The following THADA variants were observed in gnomAD, a reference collection of about 807,000 sequenced individuals.
THADA encodes tRNA (32-2'-O)-methyltransferase regulator THADA.
THADA carries 213 observed loss-of-function variants against 219.8 expected under a neutral mutation model. That is an observed-to-expected ratio of 0.97 (90% confidence interval 0.87 to 1.09). The LOEUF (loss-of-function observed/expected upper bound fraction) is 1.09, where lower values mean the gene tolerates loss of function less well. Among genes scored for constraint, THADA ranks in the 50% least tolerant of loss-of-function variants. The pLI is 0.00. For missense variants in THADA, 2,956 were observed against 2,311.3 expected (o/e 1.28, Z -5.72); for synonymous variants, 1,018 against 828.9 (o/e 1.23, Z -3.92).
intron 28 of THADA, among the ~76,000 whole-genome samples, chr2:43,409,468 A>G (rs1231740498): frequency 6.6e-6 from 1 of 152,042 alleles, no homozygotes; most frequent in African/African-American, 2.4e-5. Flanking sequence ...AGGTAAGTTG[A>G]GTCATATTTC....
In THADA at chr2:43,418,430, C is replaced by G. The variant is rs150616674; in HGVS notation, c.4058+9670G>C. Among the ~76,000 whole-genome samples the G allele has an allele frequency of 5.8e-3, 875 of 152,052 alleles. 14 individuals are homozygous for G. Among genetic ancestry groups the G allele is most frequent in the African/African-American group, 0.02 (826 of 41,466 alleles). Reference sequence around the variant, plus strand: ...GACAGCGGGAGGAACCTCTGTGCCACCCTGAGTCCTGATTCTGATATGTTT... The same window carrying G: ...GACAGCGGGAGGAACCTCTGTGCCAGCCTGAGTCCTGATTCTGATATGTTT... On this transcript the variant is annotated intron_variant, in intron 28 of 37. Transcript: ENST00000405975.
At chr2:43,564,571 TAAG>T in intron 15 of THADA, 1 of 152,386 alleles carries the variant, frequency 6.6e-6, no homozygotes, top group East Asian at 1.9e-4. Flanking sequence ...ATCCTAAACT[TAAG>T]AATATCTGCA....
rs369364138 is a variant in THADA at position 43,571,762 on chromosome 2, T to C, written c.2009A>G (p.Asn670Ser). The C allele has an allele frequency of 2.7e-5, 44 of 1,613,826 alleles. No homozygotes were observed. Among genetic ancestry groups the C allele is most frequent in the African/African-American group, 4.0e-5 (3 of 74,924 alleles). ...CACTCCTGGAGACTGGCTGTTAAGA[T>C]TGTATGTAATAAAGAACTGAATCCA... The part of the protein sequence containing the change: ...MQWIQFFITY[N>S]LNSQSPGVRQ... The change falls in exon 13 of 38, where the codon AAT becomes AGT. Residue 670 changes from asparagine to serine, a missense_variant. Asn to Ser is a conservative substitution (Grantham distance 46). Coordinates refer to ENST00000405975, the MANE Select transcript of THADA (RefSeq NM_022065.5).
intron 34 of THADA, among the ~76,000 whole-genome samples, chr2:43,289,004 T>C (rs1674377998): frequency 1.3e-5 from 2 of 152,236 alleles, no homozygotes; most frequent in Admixed American, 1.3e-4. Flanking sequence ...TCTGTCTCTA[T>C]CAGTTTGCCA....
At chr2:43,466,897 G>A (rs560860102) in intron 26 of THADA, among the ~76,000 whole-genome samples, 21 of 151,808 alleles carry the variant, frequency 1.4e-4, no homozygotes, top group African/African-American at 2.2e-4. Context: ...TAAACACCAC[G>A]GGGGGCCGGG....
Position 43,581,724 on chromosome 2 carries a change from T to C in THADA, c.721+17A>G, listed in dbSNP as rs1180732630. ...CTGTCAATTATATATCATTTGTATATAATTTGTTACACTTACCATCGCTTA... is the reference window on the plus strand; with the variant it reads ...CTGTCAATTATATATCATTTGTATACAATTTGTTACACTTACCATCGCTTA... On this transcript the variant is annotated intron_variant, in intron 8 of 37. Coordinates refer to ENST00000405975, the MANE Select transcript of THADA (RefSeq NM_022065.5). 2 of 1,599,338 alleles carry C rather than the reference T, an allele frequency of 1.3e-6. No individual in the cohort carries two copies. Among genetic ancestry groups the C allele is most frequent in the African/African-American group, 2.7e-5 (2 of 74,160 alleles).
chr2:43,567,756 T>C (rs1250000944), intron 14 of THADA, among the ~76,000 whole-genome samples: 1 of 152,270 alleles, frequency 6.6e-6, no homozygotes, highest in Non-Finnish European at 1.5e-5. Flanking sequence ...TTTCTATGGT[T>C]GGATCCCTAG....
intron 31 of THADA, among the ~76,000 whole-genome samples, chr2:43,303,821 C>G (rs1394930377): frequency 6.6e-6 from 1 of 152,136 alleles, no homozygotes; most frequent in East Asian, 1.9e-4. Flanking sequence ...GGTTGCTGTA[C>G]TGTTACCTCA....
intron 13 of THADA, among the ~76,000 whole-genome samples, chr2:43,570,955 C>T (rs1313146979): frequency 6.6e-6 from 1 of 152,176 alleles, no homozygotes; most frequent in Non-Finnish European, 1.5e-5. Context: ...ATTTACTACA[C>T]CAAAATGAAA....
chr2:43,415,912 A>G (rs1676902405), intron 28 of THADA, among the ~76,000 whole-genome samples: 1 of 152,180 alleles, frequency 6.6e-6, no homozygotes, highest in Middle Eastern at 3.2e-3. Context: ...TCTTAAGTCC[A>G]GTTTTCATTC....
intron 26 of THADA, among the ~76,000 whole-genome samples, chr2:43,443,619 C>T (rs960789904): frequency 6.6e-6 from 1 of 152,170 alleles, no homozygotes; most frequent in Non-Finnish European, 1.5e-5. Flanking sequence ...AACTGAAGCT[C>T]TGTAAGTTCA....
chr2:43,241,789 C>T (rs887461753), intron 36 of THADA, among the ~76,000 whole-genome samples: 4 of 152,044 alleles, frequency 2.6e-5, no homozygotes, highest in Non-Finnish European at 5.9e-5. Context: ...GCGCCTTTCA[C>T]GTGCGTGCTC....
chr2:43,406,689 A>G (rs6746996), intron 28 of THADA, among the ~76,000 whole-genome samples: 38,752 of 152,138 alleles, frequency 0.25, 5,107 homozygotes, highest in South Asian at 0.33. Context: ...AGCAAGTAAA[A>G]ATAACCACTA....
At chr2:43,234,016 C>T (rs937279000) in intron 36 of THADA, among the ~76,000 whole-genome samples, 4 of 152,198 alleles carry the variant, frequency 2.6e-5, no homozygotes, top group African/African-American at 7.2e-5. Context: ...GGCAGACGAC[C>T]GAGAATCTGC....
intron 20 of THADA, among the ~76,000 whole-genome samples, chr2:43,544,982 C>T (rs74343467): frequency 0.61 from 91,708 of 151,304 alleles, 29,344 homozygotes; most frequent in African/African-American, 0.8. Flanking sequence ...TTCCAGTTTT[C>T]GCCCATTCAG....
At chr2:43,529,624 T>C (rs184466719) in intron 21 of THADA, among the ~76,000 whole-genome samples, 10 of 152,342 alleles carry the variant, frequency 6.6e-5, no homozygotes, top group East Asian at 1.9e-4. Context: ...TTAGTAACTA[T>C]TGTCTTTTAA....
chr2:43,412,791 T>TG (rs1676455876), intron 28 of THADA, among the ~76,000 whole-genome samples: 1 of 152,234 alleles, frequency 6.6e-6, no homozygotes, highest in Non-Finnish European at 1.5e-5. Flanking sequence ...TTCTTACCTC[T>TG]GAGAAGGTCA....
At chr2:43,520,016 C>T (rs1480331655) in intron 22 of THADA, among the ~76,000 whole-genome samples, 1 of 152,180 alleles carries the variant, frequency 6.6e-6, no homozygotes, top group East Asian at 1.9e-4. Context: ...AAAATGAAAC[C>T]ATGCAAGGTT....
chr2:43,258,586 T>TA (rs1670583226), intron 36 of THADA, among the ~76,000 whole-genome samples: 1 of 152,192 alleles, frequency 6.6e-6, no homozygotes, highest in Non-Finnish European at 1.5e-5. Flanking sequence ...GAAATTCATT[T>TA]AACTGGGTGT....
Sources: gnomAD v4.1 joint callset for allele counts (sites outside exome capture counted in the v4.1 genomes callset) on GRCh38, gnomAD v4.1.1 for gene constraint, MANE v1.5 for transcripts, NCBI Gene and HGNC (gene_info 2026-07-23, HGNC 2026-07-21) for gene names.